MCM10: variants seen among roughly 807,000 people sequenced by gnomAD.
MCM10 encodes the protein minichromosome maintenance 10 replication initiation factor, also known as protein MCM10 homolog.
A neutral mutation model predicts 109.9 loss-of-function variants in MCM10; 91 were observed. That is an observed-to-expected ratio of 0.83 (90% confidence interval 0.70 to 0.99). The LOEUF (loss-of-function observed/expected upper bound fraction) is 0.99, where lower values mean the gene tolerates loss of function less well. MCM10 is among the 50% of genes least tolerant of loss of function. The probability of loss-of-function intolerance (pLI) is 0.00; values close to 1 mark genes in which losing one functional copy is unlikely to be tolerated. For synonymous variants in MCM10, 380 were observed against 387.2 expected (o/e 0.98, Z 0.22); for missense variants, 1,077 against 1,061.2 (o/e 1.01, Z -0.21).
At chr10:13,191,273 C>CT (rs1834343222) in intron 10 of MCM10, 26 bp from the exon 11 acceptor site, 1 of 1,527,284 alleles carries the variant, frequency 6.5e-7, no homozygotes, top group Admixed American at 1.7e-5. Flanking sequence ...AGTGATTCTC[C>CT]TTTTGGGGGT....
intron 8 of MCM10, among the ~76,000 whole-genome samples, chr10:13,184,778 C>T (rs2131573182): frequency 6.6e-6 from 1 of 152,294 alleles, no homozygotes; most frequent in African/African-American, 2.4e-5. Flanking sequence ...GAGTCTCAGC[C>T]TTTCTCTCCT....
intron 10 of MCM10, 71 bp downstream of exon 10, chr10:13,189,151 T>C (rs1834315267): frequency 6.7e-7 from 1 of 1,487,864 alleles, no homozygotes; most frequent in African/African-American, 1.4e-5. Context: ...TGGTTGTACC[T>C]TCCTGTAACC....
At chr10:13,194,049 G>T (rs541317490) in intron 13 of MCM10, among the ~76,000 whole-genome samples, 1 of 151,088 alleles carries the variant, frequency 6.6e-6, no homozygotes, top group East Asian at 1.9e-4. Flanking sequence ...ATGATTTCTG[G>T]GGTTTGTTAT....
intron 2 of MCM10, among the ~76,000 whole-genome samples, chr10:13,170,514 G>A (rs984156177): frequency 6.6e-6 from 1 of 152,172 alleles, no homozygotes; most frequent in Admixed American, 6.5e-5. Flanking sequence ...GATTGGAGTA[G>A]AATGCTTGAG....
Position 13,177,508 on chromosome 10 carries a change from C to CTT in MCM10, c.764+1849_764+1850dup, listed in dbSNP as rs60316855. ...TGCTCAAAAGTTTTAGATTTTGGAG[C>CTT]TTTTTTTTTTTTTTTTTTTTTTTAA... On this transcript the variant is annotated intron_variant, in intron 6 of 19. Coordinates refer to ENST00000378714, the MANE Select transcript of MCM10 (RefSeq NM_018518.5). Among the ~76,000 whole-genome samples the CTT allele has an allele frequency of 4.2e-3, 440 of 105,116 alleles. 5 individuals carry two copies. Among genetic ancestry groups the CTT allele is most frequent in the African/African-American group, 5.8e-3 (144 of 24,694 alleles). 69.0% of individuals were successfully genotyped at this position (105,116 alleles called of 152,430 possible). A position where few individuals can be genotyped will look rare whatever the true frequency, so the allele number is the denominator to read the frequency against.
Position 13,183,063 on chromosome 10 carries a change from A to G in MCM10, c.1061A>G (p.Asn354Ser), listed in dbSNP as rs776545237. Residue 354 changes from asparagine (N) to serine (S), a missense_variant, in exon 8 of 20, where the codon AAT (asparagine) becomes AGT (serine). Physicochemically the swap from Asn to Ser is conservative, Grantham distance 46. Transcript: ENST00000378714. ...CAGGGGACTGTCGTAGGGATCCTCA[A>G]TGCCAACCCCATGAAGCCCAAGGAT... is the stretch of plus-strand genomic sequence containing the variant. ...TEQGTVVGIL[N>S]ANPMKPKDGS... is the part of the protein sequence containing the mutation. 4 of 1,614,168 alleles carry G rather than the reference A, an allele frequency of 2.5e-6. No homozygotes were observed. Among genetic ancestry groups the G allele is most frequent in the Admixed American group, 3.3e-5 (2 of 60,014 alleles).
intron 16 of MCM10, among the ~76,000 whole-genome samples, chr10:13,199,526 G>C (rs1834467661): frequency 2.0e-5 from 3 of 151,924 alleles, no homozygotes; most frequent in Admixed American, 2.0e-4. Context: ...TCACACCCAA[G>C]GACCCTTTTT....
chr10:13,185,581 G>A (rs1834264619), intron 8 of MCM10, among the ~76,000 whole-genome samples: 1 of 152,182 alleles, frequency 6.6e-6, no homozygotes, highest in Admixed American at 6.5e-5. Flanking sequence ...AGGAGTGCTG[G>A]GAGAACAGGG....
chr10:13,202,805 G>A (rs191645918), intron 17 of MCM10, among the ~76,000 whole-genome samples: 64 of 152,066 alleles, frequency 4.2e-4, no homozygotes, highest in Admixed American at 9.8e-4. Flanking sequence ...CAGATGAGGT[G>A]GCCTAACACA....
chr10:13,207,116 T>C (rs1834592411), intron 18 of MCM10, among the ~76,000 whole-genome samples: 1 of 152,182 alleles, frequency 6.6e-6, no homozygotes, highest in South Asian at 2.1e-4. Context: ...GTTCTTGATC[T>C]AGAACAGAAG....
chr10:13,191,902 AAAATAAAAAC>A (rs59710770), intron 11 of MCM10, among the ~76,000 whole-genome samples: 23,111 of 152,084 alleles, frequency 0.15, 2,063 homozygotes, highest in South Asian at 0.2. Flanking sequence ...AATTTTTAAT[AAAATAAAAAC>A]AAATAAAAAC....
At chr10:13,165,673 G>A (rs111349226) in intron 2 of MCM10, among the ~76,000 whole-genome samples, 116 of 152,122 alleles carry the variant, frequency 7.6e-4, no homozygotes, top group Non-Finnish European at 1.3e-3. Context: ...TCAGGAGTTC[G>A]AGGCCAGCCC....
chr10:13,166,659 TAC>T (rs1465480979), intron 2 of MCM10, among the ~76,000 whole-genome samples: 13,190 of 67,938 alleles, frequency 0.19, 861 homozygotes, highest in Non-Finnish European at 0.26. Flanking sequence ...AATACATACA[TAC>T]ATATATATAT....
rs1241245426 is a variant in MCM10, at chr10:13,188,903, A to T, written c.1238A>T (p.Tyr413Phe). 6.2e-7 allele frequency: 1 copy of T among 1,614,168 alleles called. No homozygotes were observed. The highest frequency in any genetic ancestry group is 1.7e-5 in the Admixed American group (1 of 60,006). The change falls in exon 10 of 20, where the codon TAC becomes TTC. Residue 413 changes from tyrosine to phenylalanine, a missense_variant. Coordinates refer to ENST00000378714, the MANE Select transcript of MCM10 (RefSeq NM_018518.5). ...CAGCGTGACTGTGAGTACTGTCAGTACCATGTCCAGGCTCAGTACAAGAAG... is the reference window on the plus strand; with the variant it reads ...CAGCGTGACTGTGAGTACTGTCAGTTCCATGTCCAGGCTCAGTACAAGAAG... Reference protein sequence around the residue: ...VNLRDCEYCQYHVQAQYKKLS... With the variant: ...VNLRDCEYCQFHVQAQYKKLS...
intron 16 of MCM10, among the ~76,000 whole-genome samples, chr10:13,200,961 A>G (rs1441578861): frequency 6.6e-6 from 1 of 152,192 alleles, no homozygotes; most frequent in Non-Finnish European, 1.5e-5. Flanking sequence ...CCTAGCCAAC[A>G]GGGTGAAACC....
intron 9 of MCM10, among the ~76,000 whole-genome samples, chr10:13,188,261 A>C (rs1317202023): frequency 2.6e-5 from 4 of 152,220 alleles, no homozygotes; most frequent in African/African-American, 9.7e-5. Flanking sequence ...AACCAGAGAA[A>C]CAGCTAGAAA....
chr10:13,191,501 TG>T (rs1834346942), intron 11 of MCM10, 102 bp downstream of exon 11: 2 of 818,344 alleles, frequency 2.4e-6, no homozygotes, highest in South Asian at 3.1e-5. Context: ...GCTCCGGTGA[TG>T]GGTACACCAA....
In MCM10 at chr10:13,182,141, A is replaced by G. The variant is rs1834217290; in HGVS notation, c.931-792A>G. Among the ~76,000 whole-genome samples the G allele has an allele frequency of 6.6e-6, 1 of 152,178 alleles. No homozygotes were observed. Among genetic ancestry groups the G allele is most frequent in the Non-Finnish European group, 1.5e-5 (1 of 68,030 alleles). On this transcript the variant is annotated intron_variant, in intron 7 of 19. Coordinates refer to ENST00000378714, the MANE Select transcript of MCM10 (RefSeq NM_018518.5). The surrounding 1 kb of genome is among the most constrained non-coding windows in gnomAD (Gnocchi z 4.2). The stretch of plus-strand genomic sequence containing the variant: ...TGATGCTTTTGTAAGCTAAGCAGAG[A>G]TGTAATAGCCTAGAAAGGAAACTTC...
chr10:13,195,119 G>A lies in MCM10; in HGVS notation c.1824G>A (p.Arg608=). 3.1e-6 allele frequency: 5 copies of A among 1,614,166 alleles called. No individual in the cohort carries two copies. Among genetic ancestry groups the A allele is most frequent in the Non-Finnish European group, 2.5e-6 (3 of 1,180,036 alleles). Residue 608 remains arginine, a synonymous_variant, in exon 14 of 20, where the codon CGG becomes CGA. Coordinates refer to ENST00000378714, the MANE Select transcript of MCM10 (RefSeq NM_018518.5). ...SSRQPPAQPP[R]TGSEFPRLEG... Reference sequence around the variant, plus strand: ...GACAGCCCCCTGCTCAGCCTCCACGGACAGGATCCGAGTTCCCCAGGCTGG... The same window carrying A: ...GACAGCCCCCTGCTCAGCCTCCACGAACAGGATCCGAGTTCCCCAGGCTGG...
Sources: gnomAD v4.1 joint callset for allele counts (sites outside exome capture counted in the v4.1 genomes callset) on GRCh38, gnomAD v4.1.1 for gene constraint, Gnocchi (gnomAD v3.1) non-coding constraint, MANE v1.5 for transcripts, NCBI Gene and HGNC (gene_info 2026-07-23, HGNC 2026-07-21) for gene names.